The following PAIP2B variants were observed in gnomAD, a reference collection of about 807,000 sequenced individuals.
The protein encoded by PAIP2B is polyadenylate-binding protein-interacting protein 2B.
A neutral mutation model predicts 17.0 loss-of-function variants in PAIP2B; 13 were observed. That is an observed-to-expected ratio of 0.76 (90% CI 0.50 to 1.22). PAIP2B has a LOEUF of 1.22. PAIP2B is among the 50% of genes most tolerant of loss of function. PAIP2B has a pLI of 0.00. For synonymous variants in PAIP2B, 43 were observed against 48.7 expected, an observed-to-expected ratio of 0.88 and a Z score of 0.48; for missense variants, 117 against 144.5, an observed-to-expected ratio of 0.81 and a Z score of 0.98.
At chr2:71,226,584 G>A (rs1186335140) in intron 1 of PAIP2B, among the ~76,000 whole-genome samples, 1 of 152,150 alleles carries the variant, frequency 6.6e-6, no homozygotes, top group Non-Finnish European at 1.5e-5. Flanking sequence ...GTAGAAATGG[G>A]ACTCAGGCCA....
intron 1 of PAIP2B, among the ~76,000 whole-genome samples, chr2:71,221,792 G>A (rs1186491751): frequency 6.6e-6 from 1 of 152,114 alleles, no homozygotes; most frequent in Non-Finnish European, 1.5e-5. Flanking sequence ...GGTCGAGTGG[G>A]GACTTGGGGA....
Position 71,183,606 on chromosome 2 carries a change from G to C in PAIP2B, c.*4873C>G, listed in dbSNP as rs1488729700. The stretch of plus-strand genomic sequence containing the variant: ...ACAGAATTCTACTCAGCAATAAAAG[G>C]AACAAACTACCAAGACGTTATCTGT... On this transcript the variant is annotated 3_prime_UTR_variant, in exon 4 of 4. Transcript: ENST00000244221. 3 of 150,662 alleles carry C rather than the reference G, an allele frequency of 2.0e-5. No homozygotes were observed. Among genetic ancestry groups the C allele is most frequent in the African/African-American group, 7.3e-5 (3 of 40,850 alleles). The allele number at this position is 150,662 out of a possible 1,614,324, so 9.3% of individuals were successfully genotyped here. A position where few individuals can be genotyped will look rare whatever the true frequency, so the allele number is the denominator to read the frequency against.
intron 2 of PAIP2B, among the ~76,000 whole-genome samples, chr2:71,197,470 G>A (rs1674851156): frequency 6.6e-6 from 1 of 152,134 alleles, no homozygotes; most frequent in South Asian, 2.1e-4. Flanking sequence ...ACCTTGGAAA[G>A]TCTGATGATT....
chr2:71,225,223 G>C (rs375928893), intron 1 of PAIP2B, among the ~76,000 whole-genome samples: 8 of 152,218 alleles, frequency 5.3e-5, no homozygotes, highest in African/African-American at 1.7e-4. Context: ...TTAAACATAT[G>C]GTCCATTAGA....
intron 2 of PAIP2B, among the ~76,000 whole-genome samples, chr2:71,201,416 C>T (rs1674982936): frequency 1.3e-5 from 2 of 149,164 alleles, no homozygotes; most frequent in South Asian, 2.1e-4. Flanking sequence ...CAGAGTCTTG[C>T]TCTGTAGCCC....
intron 2 of PAIP2B, among the ~76,000 whole-genome samples, chr2:71,195,009 T>C (rs1674781786): frequency 6.6e-6 from 1 of 152,276 alleles, no homozygotes; most frequent in African/African-American, 2.4e-5. Flanking sequence ...TCTTTAATTC[T>C]GTTTACATGA....
intron 2 of PAIP2B, among the ~76,000 whole-genome samples, chr2:71,201,960 T>C (rs1010138193): frequency 1.6e-4 from 24 of 152,170 alleles, no homozygotes; most frequent in Admixed American, 3.9e-4. Context: ...TCCTCTAAGA[T>C]TGATAAGAGT....
At chr2:71,221,110 T>C (rs1259112886) in intron 1 of PAIP2B, among the ~76,000 whole-genome samples, 1 of 152,232 alleles carries the variant, frequency 6.6e-6, no homozygotes, top group Non-Finnish European at 1.5e-5. Flanking sequence ...CCTGAGAATG[T>C]TATACTCTTT....
intron 1 of PAIP2B, among the ~76,000 whole-genome samples, chr2:71,204,453 A>G (rs1675071165): frequency 6.6e-6 from 1 of 152,044 alleles, no homozygotes. Context: ...CTAACCTGTT[A>G]TGGATATTAG....
intron 2 of PAIP2B, among the ~76,000 whole-genome samples, chr2:71,193,200 G>C (rs1674730762): frequency 6.6e-6 from 1 of 151,984 alleles, no homozygotes; most frequent in Non-Finnish European, 1.5e-5. Flanking sequence ...CAGTGATATT[G>C]AGCTTTTTTT....
chr2:71,194,101 T>C (rs900175092), intron 2 of PAIP2B, among the ~76,000 whole-genome samples: 4 of 152,238 alleles, frequency 2.6e-5, no homozygotes, highest in African/African-American at 9.6e-5. Context: ...ACCAGTACCA[T>C]GCTATTTTGG....
intron 3 of PAIP2B, 74 bp from the exon 4 acceptor site, chr2:71,188,609 A>C: frequency 1.6e-6 from 2 of 1,248,642 alleles, no homozygotes; most frequent in South Asian, 2.6e-5. Flanking sequence ...CATCATTATC[A>C]GTACCTTCCC....
chr2:71,221,452 A>C (rs1675579051), intron 1 of PAIP2B, among the ~76,000 whole-genome samples: 1 of 152,192 alleles, frequency 6.6e-6, no homozygotes, highest in Non-Finnish European at 1.5e-5. Context: ...GGAAGAGTTC[A>C]GAATTTCTAC....
At chr2:71,212,376 C>T (rs1675323170) in intron 1 of PAIP2B, among the ~76,000 whole-genome samples, 1 of 152,096 alleles carries the variant, frequency 6.6e-6, no homozygotes, top group Admixed American at 6.6e-5. Context: ...GAATCAAGTC[C>T]TTTACAGCTT....
chr2:71,198,773 G>T (rs1341441608), intron 2 of PAIP2B, among the ~76,000 whole-genome samples: 1 of 152,122 alleles, frequency 6.6e-6, no homozygotes, highest in Non-Finnish European at 1.5e-5. Context: ...TCCTCAGCTT[G>T]GTTTATTCTG....
chr2:71,187,626 C>T lies in PAIP2B; in HGVS notation c.*853G>A, dbSNP rs1674571815. On this transcript the variant is annotated 3_prime_UTR_variant, in exon 4 of 4. Transcript: ENST00000244221. ...GACTTCTGCAGGCTCATGCTAATTG[C>T]CAGCACAGCAGGCCTCCCCTATGCC... 1 of 152,198 alleles carries T rather than the reference C, an allele frequency of 6.6e-6. No homozygotes were observed. The highest frequency in any genetic ancestry group is 1.9e-4 in the East Asian group (1 of 5,188). 9.4% of individuals were successfully genotyped at this position (152,198 alleles called of 1,614,324 possible). A position where few individuals can be genotyped will look rare whatever the true frequency, so the allele number is the denominator to read the frequency against.
In PAIP2B at chr2:71,184,383, C is replaced by T. The variant is rs1003500313; in HGVS notation, c.*4096G>A. 1 of 152,110 alleles carries T rather than the reference C, an allele frequency of 6.6e-6. No homozygotes were observed. The highest frequency in any genetic ancestry group is 2.4e-5 in the African/African-American group (1 of 41,420). 9.4% of individuals were successfully genotyped at this position (152,110 alleles called of 1,614,324 possible). A position where few individuals can be genotyped will look rare whatever the true frequency, so the allele number is the denominator to read the frequency against. On this transcript the variant is annotated 3_prime_UTR_variant, in exon 4 of 4. Transcript: ENST00000244221. ...ATCCAGCTATTCTATTGCCACGATG[C>T]CTCTAAAAACCAGACTGACTGGGAA...
At chr2:71,199,266 C>G (rs1410017047) in intron 2 of PAIP2B, among the ~76,000 whole-genome samples, 1 of 151,934 alleles carries the variant, frequency 6.6e-6, no homozygotes, top group African/African-American at 2.4e-5. Context: ...GAAATCAGAA[C>G]TAAGAAAACC....
Position 71,184,290 on chromosome 2 carries a change from A to G in PAIP2B, c.*4189T>C, listed in dbSNP as rs1316456454. ...AGATGGTGCATCTGTCCCTTTACAG[A>G]TTTCTCTCCTGTCCCCTGGGACTGG... On this transcript the variant is annotated 3_prime_UTR_variant, in exon 4 of 4. Transcript: ENST00000244221. 1 of 152,128 alleles carries G rather than the reference A, an allele frequency of 6.6e-6. No individual in the cohort carries two copies. Among genetic ancestry groups the G allele is most frequent in the African/African-American group, 2.4e-5 (1 of 41,420 alleles). 9.4% of individuals were successfully genotyped at this position (152,128 alleles called of 1,614,324 possible).
Sources: allele counts gnomAD v4.1 joint callset (sites outside exome capture counted in the v4.1 genomes callset), GRCh38; gene constraint gnomAD v4.1.1; transcripts MANE v1.5; gene names NCBI Gene and HGNC (gene_info 2026-07-23, HGNC 2026-07-21).